Variants in ZNF410 observed in about 807,000 individuals in gnomAD.
The protein encoded by ZNF410 is another partner for ARF 1.
In ZNF410, 18 loss-of-function variants were observed where a neutral mutation model predicts 54.8. The observed-to-expected ratio is 0.33, with a 90% CI of 0.23 to 0.49. ZNF410 has a LOEUF of 0.49. ZNF410 is among the 20% of genes least tolerant of loss of function. The pLI is 0.99. For synonymous variants in ZNF410, 191 were observed against 207.3 expected (o/e 0.92, Z 0.68); for missense variants, 405 against 569.6 (o/e 0.71, Z 2.94).
chr14:73,920,816 CT>C, intron 8 of ZNF410, 163 bp from the exon 9 acceptor site: 1 of 798,122 alleles, frequency 1.3e-6, no homozygotes, highest in Non-Finnish European at 2.0e-6. Context: ...CTCTTCCTGC[CT>C]TCCCCCATAT....
In ZNF410 at chr14:73,931,772, G is replaced by A; in HGVS notation, c.*231G>A. 1 of 537,082 alleles carries A rather than the reference G, an allele frequency of 1.9e-6. No homozygotes were observed. Among genetic ancestry groups the A allele is most frequent in the Non-Finnish European group, 3.4e-6 (1 of 294,866 alleles). 33.3% of individuals were successfully genotyped at this position (537,082 alleles called of 1,614,324 possible). ...AGCAATGACTGTGGGCTGGGAAACT[G>A]TACCTACCTCTCTTCCCACTGCAAA... On this transcript the variant is annotated 3_prime_UTR_variant, in exon 12 of 12. Coordinates refer to ENST00000555044, the MANE Select transcript of ZNF410 (RefSeq NM_021188.3).
Position 73,923,474 on chromosome 14 carries a change from G to C in ZNF410, c.1350G>C (p.Gly450=), listed in dbSNP as rs1226463054. Residue 450 remains glycine (G), a synonymous_variant, in exon 11 of 12, where the codon GGG becomes GGC. Coordinates refer to ENST00000555044, the MANE Select transcript of ZNF410 (RefSeq NM_021188.3). ...VTHHLVTMQS[G]RQSYEVSVLT... is the part of the protein sequence containing the mutation. ...ATCACCTGGTGACCATGCAGTCAGG[G>C]AGGCAATCATATGAAGTTTCTGTCT... 3 of 1,613,880 alleles carry C rather than the reference G, an allele frequency of 1.9e-6. No individual in the cohort carries two copies. Among genetic ancestry groups the C allele is most frequent in the Non-Finnish European group, 2.5e-6 (3 of 1,179,976 alleles).
In ZNF410 at chr14:73,904,146, T is replaced by G. The variant is rs777556143; in HGVS notation, c.731+36T>G. On this transcript the variant is annotated intron_variant, in intron 6 of 11. Coordinates refer to ENST00000555044, the MANE Select transcript of ZNF410 (RefSeq NM_021188.3). ...CCGAGATCTCATATTTGGATATACGTTGATGCAAAAGTTGATTCTTCCAGA... is the reference window on the plus strand; with the variant it reads ...CCGAGATCTCATATTTGGATATACGGTGATGCAAAAGTTGATTCTTCCAGA... The G allele has an allele frequency of 6.9e-6, 11 of 1,587,784 alleles. No individual in the cohort carries two copies. The South Asian group carries it at 1.3e-4, about 18-fold the overall frequency.
intron 7 of ZNF410, among the ~76,000 whole-genome samples, chr14:73,907,712 T>C (rs1243975660): frequency 4.0e-5 from 6 of 151,688 alleles, no homozygotes; most frequent in Non-Finnish European, 8.8e-5. Context: ...ACCAACATGG[T>C]GAAATCCCAT....
At chr14:73,908,820 A>G (rs2055531916) in intron 7 of ZNF410, among the ~76,000 whole-genome samples, 2 of 137,050 alleles carry the variant, frequency 1.5e-5, no homozygotes, top group Admixed American at 1.6e-4. Context: ...TGGAGGATAG[A>G]GACTGCATCT....
At chr14:73,905,968 C>CACACATATATATATATAT (rs1461702433) in intron 7 of ZNF410, among the ~76,000 whole-genome samples, 2 of 78,942 alleles carry the variant, frequency 2.5e-5, no homozygotes, top group African/African-American at 8.4e-5. Flanking sequence ...CACACACACA[C>CACACATATATATATATAT]ATATATATAT....
intron 2 of ZNF410, 46 bp from the exon 3 acceptor site, chr14:73,893,751 A>G (rs1157045359): frequency 5.1e-6 from 8 of 1,568,872 alleles, no homozygotes; most frequent in Non-Finnish European, 5.2e-6. Context: ...GTTTAGATAC[A>G]TTTCTAACAA....
At chr14:73,931,451 T>C in intron 11 of ZNF410, 52 bp from the exon 12 acceptor site, 1 of 1,498,920 alleles carries the variant, frequency 6.7e-7, no homozygotes, top group African/African-American at 1.4e-5. Flanking sequence ...TGAATTATTT[T>C]TTCTATAATT....
At chr14:73,919,035 T>G (rs770884503) in intron 8 of ZNF410, among the ~76,000 whole-genome samples, 3 of 103,728 alleles carry the variant, frequency 2.9e-5, no homozygotes, top group African/African-American at 4.0e-5. Context: ...TTTGACAGAG[T>G]CTCACTCTGG....
intron 11 of ZNF410, 43 bp downstream of exon 11, chr14:73,923,565 G>A (rs2140326391): frequency 6.3e-7 from 1 of 1,583,928 alleles, no homozygotes; most frequent in East Asian, 2.3e-5. Flanking sequence ...CAATTCATGT[G>A]GGGAATGATT....
intron 1 of ZNF410, among the ~76,000 whole-genome samples, chr14:73,889,431 C>CAAA (rs11330316): frequency 2.5e-4 from 21 of 84,936 alleles, no homozygotes; most frequent in East Asian, 7.2e-4. Flanking sequence ...GACTCAGTCT[C>CAAA]AAAAAAAAAA....
chr14:73,931,267 C>G (rs1159032727), intron 11 of ZNF410, among the ~76,000 whole-genome samples: 2 of 152,134 alleles, frequency 1.3e-5, no homozygotes, highest in Non-Finnish European at 2.9e-5. Flanking sequence ...GGCTTATAGA[C>G]TCAGAATATT....
At chr14:73,896,197 G>A in intron 3 of ZNF410, 119 bp from the exon 4 acceptor site, 1 of 707,444 alleles carries the variant, frequency 1.4e-6, no homozygotes, top group Non-Finnish European at 2.4e-6. Context: ...TGTGTAATGA[G>A]AATGCTGTCT....
intron 8 of ZNF410, among the ~76,000 whole-genome samples, chr14:73,916,961 CAG>C (rs34270029): frequency 0.3 from 46,318 of 151,958 alleles, 8,981 homozygotes; most frequent in Non-Finnish European, 0.42. Flanking sequence ...GCCTGGGAAA[CAG>C]AGCGAGACTG....
chr14:73,907,422 A>G, intron 7 of ZNF410, among the ~76,000 whole-genome samples: 1 of 151,916 alleles, frequency 6.6e-6, no homozygotes, highest in East Asian at 1.9e-4. Flanking sequence ...ACACGGTGAA[A>G]CCCCATCTCC....
chr14:73,909,922 G>A (rs531621184), intron 8 of ZNF410, among the ~76,000 whole-genome samples: 17 of 152,316 alleles, frequency 1.1e-4, no homozygotes, highest in Admixed American at 3.3e-4. Flanking sequence ...TATCATTGCA[G>A]ATGTGGAGAA....
chr14:73,900,432 C>T (rs768720212), intron 5 of ZNF410, among the ~76,000 whole-genome samples: 70 of 149,158 alleles, frequency 4.7e-4, no homozygotes, highest in Non-Finnish European at 8.1e-4. Context: ...TGGAGTGCAG[C>T]GGCGCAATCT....
intron 7 of ZNF410, among the ~76,000 whole-genome samples, chr14:73,908,317 T>C (rs1420772633): frequency 6.6e-6 from 1 of 152,238 alleles, no homozygotes; most frequent in Non-Finnish European, 1.5e-5. Flanking sequence ...TAAATCCTTT[T>C]TGTTTTTTCA....
At chr14:73,887,905 T>C (rs1262378095) in intron 1 of ZNF410, among the ~76,000 whole-genome samples, 1 of 152,192 alleles carries the variant, frequency 6.6e-6, no homozygotes, top group Non-Finnish European at 1.5e-5. Flanking sequence ...TGACAATTTT[T>C]CCGAGGCACT....
Sources: allele counts gnomAD v4.1 joint callset (sites outside exome capture counted in the v4.1 genomes callset), GRCh38; gene constraint gnomAD v4.1.1; transcripts MANE v1.5; gene names NCBI Gene and HGNC (gene_info 2026-07-23, HGNC 2026-07-21).